RNF150: variants seen among roughly 807,000 people sequenced by gnomAD.
RNF150 encodes the protein ring finger protein 150.
Under a neutral mutation model 39.3 loss-of-function variants are expected in RNF150, and 24 were observed. That is an observed-to-expected ratio of 0.61 (90% CI 0.44 to 0.86). The LOEUF (loss-of-function observed/expected upper bound fraction) is 0.86, where lower values mean the gene tolerates loss of function less well. Among genes scored for constraint, RNF150 ranks in the 40% least tolerant of loss-of-function variants. The probability of loss-of-function intolerance (pLI) is 0.00; values close to 1 mark genes in which losing one functional copy is unlikely to be tolerated. For missense variants in RNF150, 502 were observed against 587.8 expected (o/e 0.85, Z 1.51); for synonymous variants, 255 against 227.3 (o/e 1.12, Z -1.10).
At chr4:141,028,502 T>C (rs1735806135) in intron 1 of RNF150, among the ~76,000 whole-genome samples, 1 of 152,224 alleles carries the variant, frequency 6.6e-6, no homozygotes, top group African/African-American at 2.4e-5. Context: ...TAGGCAGTGC[T>C]CTCAGTAAAT....
intron 1 of RNF150, among the ~76,000 whole-genome samples, chr4:141,195,818 C>T (rs1192547522): frequency 2.0e-5 from 3 of 152,040 alleles, no homozygotes; most frequent in Non-Finnish European, 1.5e-5. Flanking sequence ...TTGATAAAGT[C>T]GAAACATGCA....
At chr4:141,114,953 T>C (rs1181528895) in intron 1 of RNF150, among the ~76,000 whole-genome samples, 3 of 152,178 alleles carry the variant, frequency 2.0e-5, no homozygotes, top group Non-Finnish European at 4.4e-5. Flanking sequence ...CTCTTCATGA[T>C]AAAAACACTC....
chr4:141,199,330 C>T (rs979627932), intron 1 of RNF150, among the ~76,000 whole-genome samples: 3 of 152,190 alleles, frequency 2.0e-5, no homozygotes, highest in Non-Finnish European at 4.4e-5. Flanking sequence ...TTAAGACACA[C>T]TTACCATATG....
At chr4:141,047,696 T>A (rs1736630411) in intron 1 of RNF150, among the ~76,000 whole-genome samples, 1 of 152,070 alleles carries the variant, frequency 6.6e-6, no homozygotes, top group Non-Finnish European at 1.5e-5. Context: ...TTTCCAAGGA[T>A]CACAAGTCAA....
chr4:141,041,811 A>G (rs1736386295), intron 1 of RNF150, among the ~76,000 whole-genome samples: 1 of 152,134 alleles, frequency 6.6e-6, no homozygotes, highest in South Asian at 2.1e-4. Context: ...TAAAAGTAAT[A>G]TATGGGATCA....
chr4:140,897,042 C>G (rs886243093), intron 6 of RNF150, among the ~76,000 whole-genome samples: 5 of 152,116 alleles, frequency 3.3e-5, no homozygotes, highest in Admixed American at 2.0e-4. Flanking sequence ...CTGTAAGGAT[C>G]CAGTGGTCAT....
chr4:141,041,849 T>C (rs1164995398), intron 1 of RNF150, among the ~76,000 whole-genome samples: 1 of 152,098 alleles, frequency 6.6e-6, no homozygotes, highest in Non-Finnish European at 1.5e-5. Context: ...AAAGCTACCA[T>C]GAACGTATAT....
At chr4:141,118,708 C>T (rs1240177683) in intron 1 of RNF150, among the ~76,000 whole-genome samples, 1 of 152,144 alleles carries the variant, frequency 6.6e-6, no homozygotes, top group African/African-American at 2.4e-5. Context: ...ATCAAACCAC[C>T]AATCATGGGC....
intron 1 of RNF150, among the ~76,000 whole-genome samples, chr4:141,067,727 T>G (rs2110937719): frequency 6.6e-6 from 1 of 152,300 alleles, no homozygotes; most frequent in South Asian, 2.1e-4. Context: ...AGGTGGTCTT[T>G]TAGAGCTTTC....
intron 6 of RNF150, among the ~76,000 whole-genome samples, chr4:140,883,366 C>T (rs6829449): frequency 0.14 from 21,830 of 152,098 alleles, 1,857 homozygotes; most frequent in East Asian, 0.38. Context: ...ACTTTTGCCA[C>T]TGAGCTTCAT....
intron 6 of RNF150, among the ~76,000 whole-genome samples, chr4:140,882,294 C>G (rs940146467): frequency 6.6e-6 from 1 of 152,220 alleles, no homozygotes; most frequent in African/African-American, 2.4e-5. Flanking sequence ...GCTGGGATTA[C>G]AGGTGTGAGC....
chr4:140,973,177 C>T (rs1313989170), intron 1 of RNF150, among the ~76,000 whole-genome samples: 1 of 152,072 alleles, frequency 6.6e-6, no homozygotes, highest in Non-Finnish European at 1.5e-5. Context: ...TAAATATATA[C>T]AATTTAATGT....
intron 1 of RNF150, among the ~76,000 whole-genome samples, chr4:141,153,458 G>A (rs1354071839): frequency 1.3e-5 from 2 of 152,140 alleles, no homozygotes; most frequent in Non-Finnish European, 2.9e-5. Flanking sequence ...GCCAAGGGGA[G>A]GGGCCTCAGA....
chr4:141,037,730 A>C (rs1487960057), intron 1 of RNF150, among the ~76,000 whole-genome samples: 1 of 152,174 alleles, frequency 6.6e-6, no homozygotes, highest in Non-Finnish European at 1.5e-5. Flanking sequence ...AGTAGATTTC[A>C]TTTTTCTTGG....
intron 2 of RNF150, among the ~76,000 whole-genome samples, chr4:140,959,985 C>T (rs765489255): frequency 6.6e-6 from 1 of 152,132 alleles, no homozygotes; most frequent in Non-Finnish European, 1.5e-5. Context: ...TGATCCCCCA[C>T]ATTGGTACCC....
At chr4:140,928,456 G>C (rs1037121687) in intron 4 of RNF150, among the ~76,000 whole-genome samples, 1 of 152,124 alleles carries the variant, frequency 6.6e-6, no homozygotes, top group Non-Finnish European at 1.5e-5. Context: ...GGGGTGTCTG[G>C]CACCCAAGTT....
At chr4:141,093,334 C>T (rs963652305) in intron 1 of RNF150, among the ~76,000 whole-genome samples, 1 of 148,964 alleles carries the variant, frequency 6.7e-6, no homozygotes. Flanking sequence ...CCACTGCACT[C>T]CAGCTGGGGC....
At chr4:141,031,782 C>T (rs1013027707) in intron 1 of RNF150, among the ~76,000 whole-genome samples, 31 of 151,768 alleles carry the variant, frequency 2.0e-4, no homozygotes, top group African/African-American at 6.8e-4. Context: ...AAGGGAGAAC[C>T]CTTGTACAAT....
In RNF150 at chr4:141,132,584, C is replaced by T. The variant is rs781564005; in HGVS notation, c.225G>A (p.Gly75=). ...AELHTEKTEC[G]RYGEHSPKQD... Reference sequence around the variant, plus strand: ...GCTTGGGCGAGTGCTCTCCGTAGCGCCCGCACTCCGTCTTCTCCGTGTGCA... The same window carrying T: ...GCTTGGGCGAGTGCTCTCCGTAGCGTCCGCACTCCGTCTTCTCCGTGTGCA... The change falls in exon 1 of 7, where the codon GGG becomes GGA. Residue 75 remains glycine (G), a synonymous_variant. Coordinates refer to ENST00000515673, the MANE Select transcript of RNF150 (RefSeq NM_020724.2). This position sits in a 1 kb window ranked among gnomAD's most constrained non-coding sequence, Gnocchi z 4.9. 29 of 1,574,146 alleles carry T rather than the reference C, an allele frequency of 1.8e-5. No homozygotes were observed. Among genetic ancestry groups the T allele is most frequent in the East Asian group, 9.4e-5 (4 of 42,602 alleles).
Sources: gnomAD v4.1 joint callset for allele counts (sites outside exome capture counted in the v4.1 genomes callset) on GRCh38, gnomAD v4.1.1 for gene constraint, Gnocchi (gnomAD v3.1) non-coding constraint, MANE v1.5 for transcripts, NCBI Gene and HGNC (gene_info 2026-07-23, HGNC 2026-07-21) for gene names.